PCDHGB1: variants seen among roughly 807,000 people sequenced by gnomAD.
The protein encoded by PCDHGB1 is protocadherin gamma-B1.
In PCDHGB1, 34 loss-of-function variants were observed where a neutral mutation model predicts 56.6. The observed-to-expected ratio is 0.60, with a 90% CI of 0.46 to 0.80. PCDHGB1 has a LOEUF of 0.80. Ranked by LOEUF, PCDHGB1 falls within the 30% of genes least tolerant of loss-of-function variation. The pLI is 0.00. For synonymous variants in PCDHGB1, 561 were observed against 505.9 expected, an observed-to-expected ratio of 1.11 and a Z score of -1.46; for missense variants, 1,278 against 1,204.6, an observed-to-expected ratio of 1.06 and a Z score of -0.90.
chr5:141,383,615 C>G lies in PCDHGB1; in HGVS notation c.2409+30946C>G, dbSNP rs17097251. 9.9e-6 allele frequency: 16 copies of G among 1,613,694 alleles called. No homozygotes were observed. The Admixed American group carries it at 2.3e-4, about 24-fold the overall frequency. On this transcript the variant is annotated intron_variant, in intron 1 of 3. Coordinates refer to ENST00000523390, the MANE Select transcript of PCDHGB1 (RefSeq NM_018922.3). The stretch of plus-strand genomic sequence containing the variant: ...ACAGTGGTGGATGTGAATGACCACA[C>G]GCCTGTCTTCTCTCTGCCTCAGTAC...
At chr5:141,363,522 T>C (rs1028611491) in intron 1 of PCDHGB1, among the ~76,000 whole-genome samples, 2 of 152,254 alleles carry the variant, frequency 1.3e-5, no homozygotes, top group Non-Finnish European at 2.9e-5. Context: ...GTTACTATAC[T>C]GGTTGTCACT....
Position 141,352,282 on chromosome 5 carries a change from C to T in PCDHGB1, c.2022C>T (p.Arg674=), listed in dbSNP as rs1249351174. The T allele has an allele frequency of 5.0e-6, 8 of 1,614,084 alleles. No homozygotes were observed. In the Admixed American group the frequency reaches 1.2e-4, roughly 24 times the overall value. The change falls in exon 1 of 4, where the codon CGC becomes CGT. Residue 674 remains arginine (R), a synonymous_variant. Transcript: ENST00000523390. ...LQEVLPDLSD[R]PEPSDPQTEL... is the part of the protein sequence containing the mutation. ...AGGTATTGCCAGACCTCAGCGACCG[C>T]CCTGAGCCCTCTGACCCCCAGACGG... is the stretch of plus-strand genomic sequence containing the variant.
chr5:141,375,953 G>A (rs752339386), intron 1 of PCDHGB1: 1 of 1,613,498 alleles, frequency 6.2e-7, no homozygotes, highest in African/African-American at 1.3e-5. Context: ...CCTGCACACG[G>A]GCGAGGTGCG....
chr5:141,359,246 A>C (rs1007985499), intron 1 of PCDHGB1, among the ~76,000 whole-genome samples: 10 of 152,156 alleles, frequency 6.6e-5, no homozygotes, highest in Non-Finnish European at 1.2e-4. Flanking sequence ...TAAAGTAATT[A>C]AGCCATAAAA....
chr5:141,469,510 G>T (rs1022804863), intron 1 of PCDHGB1, among the ~76,000 whole-genome samples: 3 of 152,118 alleles, frequency 2.0e-5, no homozygotes, highest in African/African-American at 7.2e-5. Context: ...GGGAGGTGGA[G>T]GTTGCAGTGA....
chr5:141,497,702 G>A (rs904199928), intron 2 of PCDHGB1, among the ~76,000 whole-genome samples: 16 of 152,054 alleles, frequency 1.1e-4, no homozygotes, highest in African/African-American at 3.9e-4. Context: ...ACCACACCCA[G>A]CTCATTTTTG....
chr5:141,479,651 C>A (rs56818742), intron 1 of PCDHGB1: 43,954 of 152,194 alleles, frequency 0.29, 6,853 homozygotes, highest in African/African-American at 0.41. Flanking sequence ...ACAACAACAA[C>A]AATCCCAGAA....
chr5:141,412,050 A>G (rs1465943762), intron 1 of PCDHGB1: 1 of 152,222 alleles, frequency 6.6e-6, no homozygotes, highest in African/African-American at 2.4e-5. Flanking sequence ...GTGAACTTCT[A>G]TACCCTTTGC....
intron 1 of PCDHGB1, chr5:141,365,786 C>G (rs1446985601): frequency 1.2e-6 from 2 of 1,613,932 alleles, no homozygotes; most frequent in East Asian, 2.2e-5. Flanking sequence ...CGACAACGCT[C>G]GAGTCACCTA....
In PCDHGB1 at chr5:141,357,450, G is replaced by C. The variant is rs541013509; in HGVS notation, c.2409+4781G>C. ...GCGTGGACGGGGTTCGGGCTTTCCT[G>C]CAGACCTATTCCCACGAGGTCTCCC... is the stretch of plus-strand genomic sequence containing the variant. On this transcript the variant is annotated intron_variant, in intron 1 of 3. Coordinates refer to ENST00000523390, the MANE Select transcript of PCDHGB1 (RefSeq NM_018922.3). The C allele has an allele frequency of 2.5e-6, 4 of 1,614,196 alleles. No homozygotes were observed. In the South Asian group the frequency reaches 4.4e-5, roughly 18 times the overall value.
In PCDHGB1 at chr5:141,476,321, G is replaced by GT; in HGVS notation, c.2410-18485dup. ...CCTCTCAGCCCGCAGGTTCCGGGTG[G>GT]TGTCTGGAGCTAGCCGAAGATTCTT... On this transcript the variant is annotated intron_variant, in intron 1 of 3. Coordinates refer to ENST00000523390, the MANE Select transcript of PCDHGB1 (RefSeq NM_018922.3). The surrounding 1 kb of genome is among the most constrained non-coding windows in gnomAD (Gnocchi z 7.6). The GT allele has an allele frequency of 6.2e-7, 1 of 1,614,196 alleles. No individual in the cohort carries two copies. Among genetic ancestry groups the GT allele is most frequent in the Non-Finnish European group, 8.5e-7 (1 of 1,180,050 alleles).
chr5:141,387,736 A>C, intron 1 of PCDHGB1: 3 of 1,307,572 alleles, frequency 2.3e-6, no homozygotes, highest in East Asian at 2.5e-5. Flanking sequence ...GCCAGCCTTT[A>C]CACCGCTTCC....
rs1221295650 is a variant in PCDHGB1 at position 141,489,576 on chromosome 5, C to A, written c.2410-5231C>A. 3 of 1,613,936 alleles carry A rather than the reference C, an allele frequency of 1.9e-6. No individual in the cohort carries two copies. Among genetic ancestry groups the A allele is most frequent in the Non-Finnish European group, 2.5e-6 (3 of 1,179,984 alleles). ...TGCCAGTGCAGGTGGTGACTGAACA[C>A]CCCCTGGAGCTAATCCGTGTAGAGG... On this transcript the variant is annotated intron_variant, in intron 1 of 3. Transcript: ENST00000523390. This position sits in a 1 kb window ranked among gnomAD's most constrained non-coding sequence, Gnocchi z 4.5.
intron 1 of PCDHGB1, chr5:141,366,866 T>G (rs998309813): frequency 7.1e-7 from 1 of 1,402,360 alleles, no homozygotes; most frequent in Admixed American, 2.4e-5. Flanking sequence ...TTATTTGCTG[T>G]ATTGGAGATT....
At chr5:141,366,369 C>A in intron 1 of PCDHGB1, 2 of 1,614,106 alleles carry the variant, frequency 1.2e-6, no homozygotes, top group Non-Finnish European at 1.7e-6. Context: ...AGTATCAAGA[C>A]CCCCATTGAC....
chr5:141,469,731 C>T (rs1332201791), intron 1 of PCDHGB1, among the ~76,000 whole-genome samples: 1 of 152,214 alleles, frequency 6.6e-6, no homozygotes, highest in Non-Finnish European at 1.5e-5. Context: ...ATCATAAATA[C>T]ACACCTCAAA....
rs756915110 is a variant in PCDHGB1, at chr5:141,490,431, T to C, written c.2410-4376T>C. 6 of 1,614,036 alleles carry C rather than the reference T, an allele frequency of 3.7e-6. No individual in the cohort carries two copies. In the South Asian group the frequency reaches 6.6e-5, roughly 18 times the overall value. ...TCTCTCCGGACCTGCCATTTCAGATTAAGCCTTCTGAGAACCACTACTCGC... is the reference window on the plus strand; with the variant it reads ...TCTCTCCGGACCTGCCATTTCAGATCAAGCCTTCTGAGAACCACTACTCGC... On this transcript the variant is annotated intron_variant, in intron 1 of 3. Transcript: ENST00000523390. The surrounding 1 kb of genome is among the most constrained non-coding windows in gnomAD (Gnocchi z 5.4).
At chr5:141,352,741 G>A in intron 1 of PCDHGB1, 72 bp downstream of exon 1, 1 of 1,473,692 alleles carries the variant, frequency 6.8e-7, no homozygotes. Flanking sequence ...TGTAATCCCA[G>A]CACTTAACCA....
chr5:141,399,890 T>A, intron 1 of PCDHGB1: 1 of 1,612,638 alleles, frequency 6.2e-7, no homozygotes, highest in South Asian at 1.1e-5. Context: ...ACCAAGGTAG[T>A]GGCCGTGGAC....
Sources: allele counts gnomAD v4.1 joint callset (sites outside exome capture counted in the v4.1 genomes callset), GRCh38; gene constraint gnomAD v4.1.1; non-coding constraint Gnocchi (gnomAD v3.1); transcripts MANE v1.5; gene names NCBI Gene and HGNC (gene_info 2026-07-23, HGNC 2026-07-21).